COL11A1: variants seen among roughly 807,000 people sequenced by gnomAD.
The protein encoded by COL11A1 is collagen type XI alpha 1 chain.
Under a neutral mutation model 265.2 loss-of-function variants are expected in COL11A1, and 74 were observed. That is an observed-to-expected ratio of 0.28 (90% confidence interval 0.23 to 0.34). The LOEUF (loss-of-function observed/expected upper bound fraction) is 0.34, where lower values mean the gene tolerates loss of function less well. Ranked by LOEUF, COL11A1 falls within the 10% of genes least tolerant of loss-of-function variation. COL11A1 has a pLI of 1.00. For missense variants in COL11A1, 2,165 were observed against 2,263.6 expected (o/e 0.96, Z 0.88); for synonymous variants, 816 against 727.6 (o/e 1.12, Z -1.96).
chr1:102,938,278 T>A (rs905131467), intron 44 of COL11A1, among the ~76,000 whole-genome samples: 1 of 151,920 alleles, frequency 6.6e-6, no homozygotes, highest in Non-Finnish European at 1.5e-5. Flanking sequence ...GGGGATAATG[T>A]ATAAACTTCC....
chr1:103,099,725 A>T (rs1044979145), intron 1 of COL11A1, among the ~76,000 whole-genome samples: 1 of 151,880 alleles, frequency 6.6e-6, no homozygotes, highest in Non-Finnish European at 1.5e-5. Context: ...TTAACAAAAC[A>T]AAGTTTTGGA....
At chr1:103,047,643 G>C (rs968159518) in intron 4 of COL11A1, among the ~76,000 whole-genome samples, 2 of 152,160 alleles carry the variant, frequency 1.3e-5, no homozygotes, top group African/African-American at 4.8e-5. Flanking sequence ...ACGCTATGTT[G>C]AATAGGAGTG....
chr1:103,019,700 C>T (rs557588570), intron 9 of COL11A1, among the ~76,000 whole-genome samples: 20 of 151,002 alleles, frequency 1.3e-4, no homozygotes, highest in Non-Finnish European at 2.5e-4. Flanking sequence ...AACTCGTCAT[C>T]TAGCATTAGG....
At chr1:102,962,398 T>C in intron 39 of COL11A1, 133 bp from the exon 40 acceptor site, 1 of 791,868 alleles carries the variant, frequency 1.3e-6, no homozygotes, top group Admixed American at 2.1e-5. Flanking sequence ...TTGGGTGGAA[T>C]GCCATATGCA....
At chr1:102,899,680 AT>A (rs918189800) in intron 54 of COL11A1, among the ~76,000 whole-genome samples, 1 of 152,070 alleles carries the variant, frequency 6.6e-6, no homozygotes, top group African/African-American at 2.4e-5. Flanking sequence ...ACTGCTTTTC[AT>A]TTTTTTCCCT....
intron 31 of COL11A1, among the ~76,000 whole-genome samples, chr1:102,980,775 G>A (rs1298595218): frequency 6.6e-6 from 1 of 151,904 alleles, no homozygotes; most frequent in Non-Finnish European, 1.5e-5. Context: ...GATTGCTAAG[G>A]CACACTCCAC....
At chr1:103,016,741 T>C (rs1216107657) in intron 11 of COL11A1, among the ~76,000 whole-genome samples, 2 of 152,010 alleles carry the variant, frequency 1.3e-5, no homozygotes, top group East Asian at 3.8e-4. Flanking sequence ...TTATTTAGAA[T>C]ATTATTTCAA....
chr1:103,031,001 A>G, intron 5 of COL11A1, 115 bp downstream of exon 5: 1 of 1,265,050 alleles, frequency 7.9e-7, no homozygotes, highest in South Asian at 1.3e-5. Flanking sequence ...CAACACAATT[A>G]AAATACAAAG....
chr1:102,902,827 CAT>C (rs538504752), intron 54 of COL11A1, among the ~76,000 whole-genome samples: 30 of 148,542 alleles, frequency 2.0e-4, no homozygotes, highest in East Asian at 7.8e-4. Context: ...TATGTGTGTG[CAT>C]ATATATATAT....
chr1:102,931,539 T>C (rs1429489921), intron 46 of COL11A1, among the ~76,000 whole-genome samples: 2 of 151,862 alleles, frequency 1.3e-5, no homozygotes, highest in East Asian at 1.9e-4. Context: ...GGAATAGGTG[T>C]TTTGTGGTGC....
chr1:102,987,275 T>C (rs1390479245), intron 30 of COL11A1, among the ~76,000 whole-genome samples: 2 of 151,798 alleles, frequency 1.3e-5, no homozygotes, highest in African/African-American at 2.4e-5. Context: ...TATGTATGTA[T>C]ATGAAAGAAA....
intron 24 of COL11A1, chr1:103,001,180 C>T (rs763958463): frequency 1.8e-5 from 7 of 397,222 alleles, no homozygotes; most frequent in African/African-American, 8.3e-5. Context: ...ATAAGTATTC[C>T]GAAACTTAGA....
intron 53 of COL11A1, among the ~76,000 whole-genome samples, chr1:102,912,517 T>G (rs1654809745): frequency 6.6e-6 from 1 of 152,216 alleles, no homozygotes; most frequent in Admixed American, 6.5e-5. Context: ...GGCATGCTAA[T>G]TAATATAATC....
chr1:102,923,413 A>T, intron 46 of COL11A1, 24 bp from the exon 47 acceptor site: 3 of 1,558,592 alleles, frequency 1.9e-6, no homozygotes, highest in Non-Finnish European at 2.6e-6. Context: ...ATAGAAAAAT[A>T]ATAAAAGTCA....
At chr1:102,906,440 C>T (rs1223158725) in intron 54 of COL11A1, among the ~76,000 whole-genome samples, 1 of 152,074 alleles carries the variant, frequency 6.6e-6, no homozygotes, top group Non-Finnish European at 1.5e-5. Flanking sequence ...GAGGGTCTCC[C>T]TCTGTTGTTC....
At chr1:103,066,853 G>A (rs974620008) in intron 4 of COL11A1, among the ~76,000 whole-genome samples, 1 of 151,748 alleles carries the variant, frequency 6.6e-6, no homozygotes, top group African/African-American at 2.4e-5. Flanking sequence ...AATATATATA[G>A]CATTCAAATT....
chr1:103,089,926 C>T (rs145317827), intron 1 of COL11A1, among the ~76,000 whole-genome samples: 1,744 of 152,236 alleles, frequency 0.011, 30 homozygotes, highest in African/African-American at 0.04. Flanking sequence ...GAGTTCAAGT[C>T]CAGCCTGGCC....
chr1:103,078,817 C>A lies in COL11A1; in HGVS notation c.329G>T (p.Gly110Val), dbSNP rs1471161554. ...TATAGATAAAAGGAAAGACTGAATT[C>A]CTTTTTTTGGTTTTACTGTAAATAG... Reference protein sequence around the residue: ...SILFTVKPKKGIQSFLLSIYN... With the variant: ...SILFTVKPKKVIQSFLLSIYN... The change falls in exon 3 of 67, where the codon GGA (glycine) becomes GTA (valine). Residue 110 changes from glycine (G) to valine (V), a missense_variant. Coordinates refer to ENST00000370096, the MANE Select transcript of COL11A1 (RefSeq NM_001854.4). 6.2e-7 allele frequency: 1 copy of A among 1,612,502 alleles called. No homozygotes were observed. Among genetic ancestry groups the A allele is most frequent in the Non-Finnish European group, 8.5e-7 (1 of 1,179,026 alleles).
At position 102,987,573 on chromosome 1, in the gene COL11A1, T is replaced by G. The variant is rs1663700041; in HGVS notation, c.2502+60A>C. The G allele has an allele frequency of 3.1e-6, 4 of 1,280,092 alleles. No homozygotes were observed. The African/African-American group carries it at 4.4e-5, about 14-fold the overall frequency. The allele number at this position is 1,280,092 out of a possible 1,614,324, so 79.3% of individuals were successfully genotyped here. ...TCTGACACCAGTTATTGAAAGAAAT[T>G]TAAATGATAATGAAACATCAGCTGC... On this transcript the variant is annotated intron_variant, in intron 30 of 66. Coordinates refer to ENST00000370096, the MANE Select transcript of COL11A1 (RefSeq NM_001854.4).
Sources: allele counts gnomAD v4.1 joint callset (sites outside exome capture counted in the v4.1 genomes callset), GRCh38; gene constraint gnomAD v4.1.1; transcripts MANE v1.5; gene names NCBI Gene and HGNC (gene_info 2026-07-23, HGNC 2026-07-21).